Variants in ACVR1 observed in about 807,000 individuals in gnomAD.
ACVR1 encodes the protein activin A receptor type 1, also known as activin receptor type-1.
ACVR1 carries 38 observed loss-of-function variants against 57.1 expected under a neutral mutation model. The observed-to-expected ratio is 0.67, with a 90% confidence interval of 0.51 to 0.87. The LOEUF is 0.87. Ranked by LOEUF, ACVR1 falls within the 40% of genes least tolerant of loss-of-function variation. The pLI, the probability that ACVR1 is intolerant of heterozygous loss-of-function variation, is 0.00. For synonymous variants in ACVR1, 212 were observed against 228.1 expected (o/e 0.93, Z 0.63); for missense variants, 463 against 638.2 (o/e 0.73, Z 2.96).
intron 9 of ACVR1, among the ~76,000 whole-genome samples, chr2:157,757,021 G>GATATATAT (rs765313619): frequency 9.4e-6 from 1 of 106,434 alleles, no homozygotes; most frequent in Non-Finnish European, 1.8e-5. Flanking sequence ...ATATATATTT[G>GATATATAT]ATATATATAT....
chr2:157,804,369 AT>A (rs943926243), intron 2 of ACVR1, among the ~76,000 whole-genome samples: 3 of 152,090 alleles, frequency 2.0e-5, no homozygotes, highest in African/African-American at 4.8e-5. Flanking sequence ...GAAAGCTTTA[AT>A]TTTTTTTAAT....
chr2:157,758,335 C>T (rs1203411439), intron 9 of ACVR1, among the ~76,000 whole-genome samples: 3 of 152,008 alleles, frequency 2.0e-5, no homozygotes, highest in Non-Finnish European at 4.4e-5. Flanking sequence ...ACAGTTCGTC[C>T]TGTGAAACCC....
intron 3 of ACVR1, among the ~76,000 whole-genome samples, chr2:157,781,957 T>C (rs914897862): frequency 6.6e-6 from 1 of 152,174 alleles, no homozygotes; most frequent in Non-Finnish European, 1.5e-5. Context: ...CTATGGCACA[T>C]AGAGGCTGCC....
intron 9 of ACVR1, among the ~76,000 whole-genome samples, chr2:157,759,610 T>C (rs1685562974): frequency 1.3e-5 from 2 of 151,978 alleles, no homozygotes; most frequent in Admixed American, 1.3e-4. Flanking sequence ...ATCACCCTGA[T>C]ACCAAACGAG....
intron 3 of ACVR1, among the ~76,000 whole-genome samples, chr2:157,782,380 C>T (rs558384358): frequency 6.6e-6 from 1 of 152,316 alleles, no homozygotes; most frequent in African/African-American, 2.4e-5. Flanking sequence ...CTATGTATGT[C>T]ACCAGTCTCA....
intron 1 of ACVR1, among the ~76,000 whole-genome samples, chr2:157,836,159 T>C (rs1688775327): frequency 6.6e-6 from 1 of 152,278 alleles, no homozygotes; most frequent in Non-Finnish European, 1.5e-5. Context: ...GGGAGTCGTA[T>C]TTCCTCAGAG....
intron 3 of ACVR1, among the ~76,000 whole-genome samples, chr2:157,787,356 C>A (rs1417119210): frequency 1.3e-5 from 2 of 152,188 alleles, no homozygotes; most frequent in African/African-American, 2.4e-5. Flanking sequence ...TGTCTTCAAA[C>A]TTCTTGAATC....
chr2:157,760,690 T>C (rs1304876897), intron 9 of ACVR1, among the ~76,000 whole-genome samples, 190 bp downstream of exon 9: 1 of 152,188 alleles, frequency 6.6e-6, no homozygotes, highest in African/African-American at 2.4e-5. Flanking sequence ...CATCACTTAC[T>C]GTGGTATATT....
At position 157,876,155 on chromosome 2, in the gene ACVR1, G is replaced by C. The variant is rs1690288570; in HGVS notation, c.-542C>G. Among the ~76,000 whole-genome samples, 1 of 148,854 alleles carries C rather than the reference G, an allele frequency of 6.7e-6. No homozygotes were observed. The highest frequency in any genetic ancestry group is 2.5e-5 in the African/African-American group (1 of 40,434). ...AGAGGAGGAGGAAGGGGAGGAGGGC[G>C]GGCAGAATAAACTTCCCGAGGCGCA... is the stretch of plus-strand genomic sequence containing the variant. On this transcript the variant is annotated 5_prime_UTR_variant, in exon 1 of 11. Transcript: ENST00000434821.
intron 2 of ACVR1, among the ~76,000 whole-genome samples, chr2:157,814,882 G>A (rs181510623): frequency 3.9e-5 from 6 of 152,280 alleles, no homozygotes; most frequent in South Asian, 2.1e-4. Context: ...TCAGGAGATC[G>A]TGACCATCCT....
At chr2:157,809,954 T>C (rs1417360330) in intron 2 of ACVR1, among the ~76,000 whole-genome samples, 1 of 152,094 alleles carries the variant, frequency 6.6e-6, no homozygotes, top group Non-Finnish European at 1.5e-5. Flanking sequence ...TGTGGGCCTG[T>C]AGTCCCAGCT....
chr2:157,788,610 C>A (rs1686799428), intron 3 of ACVR1, among the ~76,000 whole-genome samples: 1 of 152,132 alleles, frequency 6.6e-6, no homozygotes, highest in Admixed American at 6.6e-5. Context: ...TGTTGTTAAT[C>A]TCTTCCTGTG....
intron 2 of ACVR1, among the ~76,000 whole-genome samples, chr2:157,803,955 T>C (rs1687423590): frequency 6.6e-6 from 1 of 152,158 alleles, no homozygotes; most frequent in African/African-American, 2.4e-5. Context: ...TTAAAAAACA[T>C]GTTATGAGAA....
chr2:157,810,246 G>GA (rs951131475), intron 2 of ACVR1, among the ~76,000 whole-genome samples: 2 of 152,176 alleles, frequency 1.3e-5, no homozygotes, highest in Non-Finnish European at 2.9e-5. Context: ...TATAATGACT[G>GA]AAAAACACCA....
At chr2:157,747,371 C>G (rs149546015) in intron 9 of ACVR1, among the ~76,000 whole-genome samples, 1 of 152,134 alleles carries the variant, frequency 6.6e-6, no homozygotes, top group African/African-American at 2.4e-5. Flanking sequence ...TTTCCCTGAA[C>G]GAAATCATCA....
intron 3 of ACVR1, among the ~76,000 whole-genome samples, chr2:157,793,338 T>C (rs1686991026): frequency 6.6e-6 from 1 of 152,086 alleles, no homozygotes; most frequent in Admixed American, 6.5e-5. Flanking sequence ...CATACCCCTC[T>C]TATACTGTCC....
At chr2:157,855,338 ACACAC>A (rs760496534) in intron 1 of ACVR1, among the ~76,000 whole-genome samples, 2,253 of 138,434 alleles carry the variant, frequency 0.016, 19 homozygotes, top group Non-Finnish European at 0.023. Context: ...ACACACACAC[ACACAC>A]ACAAAAATTA....
intron 1 of ACVR1, among the ~76,000 whole-genome samples, chr2:157,845,122 CA>C (rs1689090353): frequency 6.6e-6 from 1 of 152,100 alleles, no homozygotes; most frequent in African/African-American, 2.4e-5. Context: ...GATGGGGTCC[CA>C]ATAAGTTGTG....
chr2:157,780,486 T>C lies in ACVR1; in HGVS notation c.182A>G (p.Asp61Gly), dbSNP rs748590407. Residue 61 changes from aspartate (D) to glycine (G), a missense_variant, in exon 4 of 11, where the codon GAT becomes GGT. Asp to Gly is a moderately conservative substitution (Grantham distance 94, BLOSUM62 -1). This residue lies in a region of ACVR1 where 203 missense variants were observed against 235.5 expected (regional missense o/e 0.86). Coordinates refer to ENST00000434821, the MANE Select transcript of ACVR1 (RefSeq NM_001111067.4). ...GCCTTTCTGGTAGACGTGGAAGCCA[T>C]CGTTGATGCTCAGTGAGGAAAAGCA... is the stretch of plus-strand genomic sequence containing the variant. ...QQCFSSLSINDGFHVYQKGCF... is the reference protein window; with the variant it reads ...QQCFSSLSINGGFHVYQKGCF... 1.9e-6 allele frequency: 3 copies of C among 1,614,122 alleles called. No homozygotes were observed.
Sources: gnomAD v4.1 joint callset for allele counts (sites outside exome capture counted in the v4.1 genomes callset) on GRCh38, gnomAD v4.1.1 for gene constraint, gnomAD v4.1.1 regional missense constraint, MANE v1.5 for transcripts, NCBI Gene and HGNC (gene_info 2026-07-23, HGNC 2026-07-21) for gene names.